Variants in SCFD2 observed in about 807,000 individuals in gnomAD.
SCFD2 encodes the protein sec1 family domain-containing protein 2.
In SCFD2, 54 loss-of-function variants were observed where a neutral mutation model predicts 58.9. The ratio of observed to expected loss-of-function variants is 0.92; its 90% CI spans 0.74 to 1.15. The LOEUF is 1.15. SCFD2 is among the 50% of genes most tolerant of loss of function. SCFD2 has a pLI of 0.00. For synonymous variants in SCFD2, 321 were observed against 335.9 expected (o/e 0.96, Z 0.49); for missense variants, 805 against 836.6 (o/e 0.96, Z 0.47).
chr4:52,880,252 G>A (rs964382672), intron 8 of SCFD2, among the ~76,000 whole-genome samples: 2 of 152,120 alleles, frequency 1.3e-5, no homozygotes, highest in African/African-American at 2.4e-5. Context: ...GCCAGGATGA[G>A]GGATCCTTGA....
chr4:53,352,476 C>A, intron 2 of SCFD2, 122 bp downstream of exon 2: 2 of 679,098 alleles, frequency 2.9e-6, no homozygotes, highest in Non-Finnish European at 4.7e-6. Flanking sequence ...AAATGCTACC[C>A]ACTGTGAAAT....
intron 5 of SCFD2, among the ~76,000 whole-genome samples, chr4:53,122,747 C>CA (rs1412836268): frequency 6.6e-6 from 1 of 152,170 alleles, no homozygotes; most frequent in African/African-American, 2.4e-5. Flanking sequence ...TGGGTAGTAA[C>CA]ACCTACTTCA....
At chr4:53,250,964 T>C (rs994630565) in intron 4 of SCFD2, among the ~76,000 whole-genome samples, 5 of 152,152 alleles carry the variant, frequency 3.3e-5, no homozygotes, top group African/African-American at 1.2e-4. Flanking sequence ...GAGCTGGTTT[T>C]TTGAAAAGAT....
intron 5 of SCFD2, among the ~76,000 whole-genome samples, chr4:53,107,692 T>G (rs1725046371): frequency 6.6e-6 from 1 of 152,214 alleles, no homozygotes; most frequent in Non-Finnish European, 1.5e-5. Flanking sequence ...TAAATATATA[T>G]GCACCCAATA....
At chr4:53,158,729 T>TA (rs1359694835) in intron 4 of SCFD2, among the ~76,000 whole-genome samples, 2 of 152,242 alleles carry the variant, frequency 1.3e-5, no homozygotes, top group Non-Finnish European at 2.9e-5. Flanking sequence ...TAACATTACA[T>TA]ATGCATCCCA....
chr4:52,993,940 C>T (rs577524301), intron 5 of SCFD2, among the ~76,000 whole-genome samples: 7 of 152,216 alleles, frequency 4.6e-5, no homozygotes, highest in East Asian at 1.9e-4. Flanking sequence ...GGCAGTGCCA[C>T]GGCAAGGGAA....
intron 5 of SCFD2, among the ~76,000 whole-genome samples, chr4:53,012,905 T>C (rs970806269): frequency 3.9e-5 from 6 of 151,968 alleles, no homozygotes; most frequent in African/African-American, 1.4e-4. Context: ...AGGAAATTCA[T>C]TACTCTGAGG....
At chr4:52,884,426 A>G (rs903233066) in intron 8 of SCFD2, among the ~76,000 whole-genome samples, 1 of 141,944 alleles carries the variant, frequency 7.0e-6, no homozygotes, top group Non-Finnish European at 1.6e-5. Flanking sequence ...AGTGGAAGGG[A>G]AGACATCCCC....
chr4:53,269,525 T>C (rs1473863998), intron 4 of SCFD2, among the ~76,000 whole-genome samples: 1 of 152,138 alleles, frequency 6.6e-6, no homozygotes, highest in Admixed American at 6.5e-5. Flanking sequence ...TAGTTTTGAA[T>C]CACTTACTAT....
chr4:53,137,468 T>A (rs532021385), intron 5 of SCFD2, among the ~76,000 whole-genome samples: 1 of 152,350 alleles, frequency 6.6e-6, no homozygotes, highest in Non-Finnish European at 1.5e-5. Flanking sequence ...GCTAATATGG[T>A]AAATTTTTCA....
chr4:53,207,511 T>TAA (rs1489164766), intron 4 of SCFD2, among the ~76,000 whole-genome samples: 18 of 12,976 alleles, frequency 1.4e-3, no homozygotes, highest in Admixed American at 1.0e-2. Flanking sequence ...ATATATTATA[T>TAA]ATATTATATA....
rs529846717 is a variant in SCFD2 at position 53,360,594 on chromosome 4, C to G, written c.838+4510G>C. On this transcript the variant is annotated intron_variant, in intron 1 of 8. Coordinates refer to ENST00000401642, the MANE Select transcript of SCFD2 (RefSeq NM_152540.4). ...GGCCATTGCTGCTGTCACCTACCACCACTAAGCAGGTGACCTCACCCTTCT... is the reference window on the plus strand; with the variant it reads ...GGCCATTGCTGCTGTCACCTACCACGACTAAGCAGGTGACCTCACCCTTCT... Among the ~76,000 whole-genome samples, 29 of 152,354 alleles carry G rather than the reference C, an allele frequency of 1.9e-4. No individual in the cohort carries two copies. The South Asian group carries it at 6.0e-3, about 32-fold the overall frequency.
intron 2 of SCFD2, among the ~76,000 whole-genome samples, chr4:53,335,929 T>G (rs1226618046): frequency 6.6e-6 from 1 of 152,148 alleles, no homozygotes; most frequent in Non-Finnish European, 1.5e-5. Context: ...CAATTTAAAT[T>G]AAAAATGCTC....
intron 1 of SCFD2, among the ~76,000 whole-genome samples, chr4:53,354,591 C>T (rs1032130988): frequency 2.0e-5 from 3 of 152,178 alleles, no homozygotes; most frequent in African/African-American, 7.2e-5. Flanking sequence ...CGAGGAGGCA[C>T]TGAGAGCGAG....
intron 3 of SCFD2, among the ~76,000 whole-genome samples, chr4:53,294,676 G>C (rs1268989656): frequency 3.3e-5 from 5 of 152,110 alleles, no homozygotes; most frequent in Non-Finnish European, 7.3e-5. Context: ...GGCTTCTGTT[G>C]CCATTGCTTT....
chr4:53,123,632 C>T (rs1417989145), intron 5 of SCFD2, among the ~76,000 whole-genome samples: 1 of 152,176 alleles, frequency 6.6e-6, no homozygotes, highest in East Asian at 1.9e-4. Context: ...AACCCAAAAC[C>T]TCAACTGATC....
At chr4:52,894,865 G>C (rs1204118779) in intron 7 of SCFD2, among the ~76,000 whole-genome samples, 1 of 152,174 alleles carries the variant, frequency 6.6e-6, no homozygotes, top group Non-Finnish European at 1.5e-5. Context: ...GAGCAAACTT[G>C]GGAGAGGAAA....
chr4:53,181,813 G>A (rs992415184), intron 4 of SCFD2, among the ~76,000 whole-genome samples: 2 of 152,108 alleles, frequency 1.3e-5, no homozygotes, highest in African/African-American at 4.8e-5. Context: ...CAAAGTCTCA[G>A]GATACAAAAT....
intron 5 of SCFD2, among the ~76,000 whole-genome samples, chr4:52,958,637 G>A (rs1000220286): frequency 3.3e-5 from 5 of 152,054 alleles, no homozygotes; most frequent in South Asian, 2.1e-4. Context: ...AACAGCTCTC[G>A]GAGGAGCGAC....
Sources: allele counts gnomAD v4.1 joint callset (sites outside exome capture counted in the v4.1 genomes callset), GRCh38; gene constraint gnomAD v4.1.1; transcripts MANE v1.5; gene names NCBI Gene and HGNC (gene_info 2026-07-23, HGNC 2026-07-21).